The following CD72 variants were observed in gnomAD, a reference collection of about 807,000 sequenced individuals.
CD72 encodes B-cell differentiation antigen CD72.
CD72 carries 28 observed loss-of-function variants against 50.7 expected under a neutral mutation model. That is an observed-to-expected ratio of 0.55 (90% CI 0.41 to 0.76). The LOEUF (loss-of-function observed/expected upper bound fraction) is 0.76, where lower values mean the gene tolerates loss of function less well. Among genes scored for constraint, CD72 ranks in the 30% least tolerant of loss-of-function variants. The probability of loss-of-function intolerance (pLI) is 0.00; values close to 1 mark genes in which losing one functional copy is unlikely to be tolerated. For synonymous variants in CD72, 176 were observed against 171.2 expected (o/e 1.03, Z -0.22); for missense variants, 403 against 420.6 (o/e 0.96, Z 0.37).
At chr9:35,629,679 C>T (rs899925128) in intron 1 of CD72, among the ~76,000 whole-genome samples, 1 of 152,180 alleles carries the variant, frequency 6.6e-6, no homozygotes, top group Admixed American at 6.5e-5. Flanking sequence ...AGCCAGAACC[C>T]GTGAACATAG....
intron 1 of CD72, among the ~76,000 whole-genome samples, chr9:35,633,912 T>C (rs1823268324): frequency 6.6e-6 from 1 of 152,218 alleles, no homozygotes; most frequent in South Asian, 2.1e-4. Context: ...GTTTTTAAAA[T>C]AATATTTAAT....
chr9:35,627,089 C>G (rs775471984), intron 1 of CD72, among the ~76,000 whole-genome samples: 3 of 151,230 alleles, frequency 2.0e-5, no homozygotes, highest in Non-Finnish European at 4.4e-5. Flanking sequence ...CTGCCCACCT[C>G]GGCCTCCCAA....
intron 5 of CD72, among the ~76,000 whole-genome samples, chr9:35,614,539 A>T (rs905264020): frequency 4.6e-5 from 7 of 152,212 alleles, no homozygotes; most frequent in African/African-American, 1.4e-4. Flanking sequence ...TATGGAGAGC[A>T]AGCTGACCAT....
In CD72 at chr9:35,618,136, A is replaced by T. The variant is rs954435370; in HGVS notation, c.83-15T>A. ...AGCCCCTGGGTCTAGAGAGAAGAGAAAAGGGACCAAGGTGGGATTTGGGAA... is the reference window on the plus strand; with the variant it reads ...AGCCCCTGGGTCTAGAGAGAAGAGATAAGGGACCAAGGTGGGATTTGGGAA... On this transcript the variant is annotated splice_polypyrimidine_tract_variant and intron_variant, in intron 1 of 8. Transcript: ENST00000259633. 1.6e-5 allele frequency: 26 copies of T among 1,610,748 alleles called. No homozygotes were observed. Among genetic ancestry groups the T allele is most frequent in the Non-Finnish European group, 2.2e-5 (26 of 1,177,004 alleles).
intron 1 of CD72, among the ~76,000 whole-genome samples, chr9:35,638,113 G>A (rs899097006): frequency 1.5e-4 from 23 of 151,974 alleles, no homozygotes; most frequent in African/African-American, 3.4e-4. Context: ...AATTTTTGTC[G>A]AAAAATGGGC....
At chr9:35,615,860 GC>G in intron 5 of CD72, 82 bp downstream of exon 5, 1 of 1,105,894 alleles carries the variant, frequency 9.0e-7, no homozygotes. Flanking sequence ...CACCTCACAG[GC>G]CCCTGGGTGA....
At chr9:35,616,922 A>G (rs1325467604) in intron 3 of CD72, 21 of 1,340,154 alleles carry the variant, frequency 1.6e-5, no homozygotes, top group Non-Finnish European at 1.9e-5. Context: ...ACCTGGGAGA[A>G]GGGGAAGGAA....
chr9:35,616,640 G>A lies in CD72; in HGVS notation c.312C>T (p.Cys104=), dbSNP rs1823068600. 3 of 1,614,022 alleles carry A rather than the reference G, an allele frequency of 1.9e-6. No homozygotes were observed. The highest frequency in any genetic ancestry group is 1.1e-5 in the South Asian group (1 of 91,086). Residue 104 remains cysteine (C), a synonymous_variant, in exon 4 of 9, where the codon TGC becomes TGT. Coordinates refer to ENST00000259633, the MANE Select transcript of CD72 (RefSeq NM_001782.3). ...AGATGGCGGTCACTCCTAACAGCAGGCAGGTGAGGAGCAGGCCGAGCAGGA... is the reference window on the plus strand; with the variant it reads ...AGATGGCGGTCACTCCTAACAGCAGACAGGTGAGGAGCAGGCCGAGCAGGA... ...RYLLLGLLLT[C]LLLGVTAICL...
At chr9:35,620,799 G>T (rs1380706044), upstream of CD72, among the ~76,000 whole-genome samples, 1 of 152,120 alleles carries the variant, frequency 6.6e-6, no homozygotes, top group Non-Finnish European at 1.5e-5. Context: ...GGGCCACAGA[G>T]TGAGACTCTG....
chr9:35,630,008 A>G (rs990451305), intron 1 of CD72, among the ~76,000 whole-genome samples: 2 of 144,912 alleles, frequency 1.4e-5, no homozygotes, highest in Admixed American at 6.9e-5. Flanking sequence ...GCCTTATGTT[A>G]TCATATTTGG....
upstream of CD72, chr9:35,618,574 C>T (rs1823105477): frequency 5.4e-6 from 4 of 744,556 alleles, no homozygotes; most frequent in African/African-American, 1.7e-5. Flanking sequence ...AGGGGATGGG[C>T]CTGTCCCCAT....
chr9:35,646,335 C>G (rs564854886), intron 1 of CD72: 1 of 152,214 alleles, frequency 6.6e-6, no homozygotes, highest in Non-Finnish European at 1.5e-5. Flanking sequence ...GAACGGGGCG[C>G]TAGGACGGGC....
chr9:35,637,900 A>G (rs1028342819), intron 1 of CD72, among the ~76,000 whole-genome samples: 3 of 151,694 alleles, frequency 2.0e-5, no homozygotes, highest in Non-Finnish European at 4.4e-5. Context: ...TACCTCCTTC[A>G]CTATGGGCAA....
At chr9:35,640,636 G>A (rs900477060) in intron 1 of CD72, among the ~76,000 whole-genome samples, 1 of 152,250 alleles carries the variant, frequency 6.6e-6, no homozygotes, top group Admixed American at 6.5e-5. Flanking sequence ...CGGATCTGGA[G>A]GGATGGGAGT....
chr9:35,638,933 C>A (rs533397480), intron 1 of CD72, among the ~76,000 whole-genome samples: 1 of 152,170 alleles, frequency 6.6e-6, no homozygotes, highest in Non-Finnish European at 1.5e-5. Context: ...AAGGTAAAGG[C>A]GAAAACCCAG....
chr9:35,616,305 T>G (rs1823063834), intron 4 of CD72, 27 bp from the exon 5 acceptor site: 1 of 1,573,588 alleles, frequency 6.4e-7, no homozygotes, highest in Non-Finnish European at 8.7e-7. Flanking sequence ...ATTTGGTGGA[T>G]GTCTTCTCCA....
intron 5 of CD72, 47 bp downstream of exon 5, chr9:35,615,896 T>C (rs1587901794): frequency 1.3e-6 from 2 of 1,484,266 alleles, no homozygotes; most frequent in East Asian, 4.5e-5. Context: ...TACTATCTCC[T>C]TGCTCCAATC....
At chr9:35,629,615 C>T (rs1008319594) in intron 1 of CD72, among the ~76,000 whole-genome samples, 1 of 152,176 alleles carries the variant, frequency 6.6e-6, no homozygotes, top group African/African-American at 2.4e-5. Context: ...TCGGATTCTG[C>T]AGGCCAGGCA....
intron 1 of CD72, among the ~76,000 whole-genome samples, chr9:35,631,478 T>G (rs1355955171): frequency 2.0e-5 from 3 of 152,368 alleles, no homozygotes; most frequent in African/African-American, 7.2e-5. Flanking sequence ...TTATTATATT[T>G]AAGCAGTTTT....
Sources: gnomAD v4.1 joint callset for allele counts (sites outside exome capture counted in the v4.1 genomes callset) on GRCh38, gnomAD v4.1.1 for gene constraint, MANE v1.5 for transcripts, NCBI Gene and HGNC (gene_info 2026-07-23, HGNC 2026-07-21) for gene names.